Variants in LHFPL6 observed in about 807,000 individuals in gnomAD.
The protein encoded by LHFPL6 is LHFPL tetraspan subfamily member 6.
In LHFPL6, 9 loss-of-function variants were observed where a neutral mutation model predicts 20.6. That is an observed-to-expected ratio of 0.44 (90% CI 0.26 to 0.76). The LOEUF (loss-of-function observed/expected upper bound fraction) is 0.76, where lower values mean the gene tolerates loss of function less well. Among genes scored for constraint, LHFPL6 ranks in the 30% least tolerant of loss-of-function variants. LHFPL6 has a pLI of 0.20. For missense variants in LHFPL6, 218 were observed against 253.5 expected, an observed-to-expected ratio of 0.86 and a Z score of 0.95; for synonymous variants, 105 against 98.7, an observed-to-expected ratio of 1.06 and a Z score of -0.38.
intron 2 of LHFPL6, among the ~76,000 whole-genome samples, chr13:39,423,984 G>A (rs571549288): frequency 6.6e-6 from 1 of 152,148 alleles, no homozygotes; most frequent in South Asian, 2.1e-4. Context: ...GGATGGGAGT[G>A]GCAGGAGCTA....
At chr13:39,595,518 C>T (rs2138552830) in intron 2 of LHFPL6, among the ~76,000 whole-genome samples, 1 of 152,316 alleles carries the variant, frequency 6.6e-6, no homozygotes, top group South Asian at 2.1e-4. Flanking sequence ...GTCTCGAGCT[C>T]CTGGCCTCAG....
At chr13:39,407,868 T>C (rs1376654921) in intron 2 of LHFPL6, among the ~76,000 whole-genome samples, 1 of 152,124 alleles carries the variant, frequency 6.6e-6, no homozygotes, top group African/African-American at 2.4e-5. Flanking sequence ...AAAAAACAAT[T>C]TTAGAGTCAG....
intron 2 of LHFPL6, among the ~76,000 whole-genome samples, chr13:39,451,395 A>G (rs1043048160): frequency 6.6e-6 from 1 of 152,208 alleles, no homozygotes; most frequent in Non-Finnish European, 1.5e-5. Flanking sequence ...CAAGCTGGGA[A>G]TATGCTTTGT....
intron 2 of LHFPL6, among the ~76,000 whole-genome samples, chr13:39,429,018 G>T (rs1200474498): frequency 1.3e-5 from 2 of 151,968 alleles, no homozygotes; most frequent in Non-Finnish European, 2.9e-5. Flanking sequence ...TTCCATTGTG[G>T]TCAGACAACA....
At chr13:39,572,047 A>G (rs1304410782) in intron 2 of LHFPL6, among the ~76,000 whole-genome samples, 1 of 152,242 alleles carries the variant, frequency 6.6e-6, no homozygotes, top group African/African-American at 2.4e-5. Context: ...AAATGTGACA[A>G]TTAAATCAGG....
At chr13:39,361,577 A>T (rs1274426444) in intron 3 of LHFPL6, among the ~76,000 whole-genome samples, 1 of 152,092 alleles carries the variant, frequency 6.6e-6, no homozygotes, top group Non-Finnish European at 1.5e-5. Context: ...CAGCCTCCCA[A>T]AGTGTTGGGA....
At chr13:39,436,764 T>G (rs1442390914) in intron 2 of LHFPL6, among the ~76,000 whole-genome samples, 1 of 152,278 alleles carries the variant, frequency 6.6e-6, no homozygotes, top group African/African-American at 2.4e-5. Flanking sequence ...AATATCACAT[T>G]GATCACTGTG....
intron 2 of LHFPL6, among the ~76,000 whole-genome samples, chr13:39,403,936 T>C (rs971686732): frequency 2.0e-5 from 3 of 152,146 alleles, no homozygotes; most frequent in African/African-American, 7.2e-5. Flanking sequence ...TTTAGGAGAA[T>C]TTCTGATTTA....
intron 2 of LHFPL6, among the ~76,000 whole-genome samples, chr13:39,413,120 A>G (rs1014626184): frequency 1.3e-5 from 2 of 152,196 alleles, no homozygotes; most frequent in African/African-American, 4.8e-5. Context: ...GTAGTACAAT[A>G]TATGCATCGC....
At chr13:39,566,034 G>A (rs1242342132) in intron 2 of LHFPL6, among the ~76,000 whole-genome samples, 1 of 152,158 alleles carries the variant, frequency 6.6e-6, no homozygotes, top group African/African-American at 2.4e-5. Flanking sequence ...CTGAAACATA[G>A]ACTCAAACAA....
At position 39,531,456 on chromosome 13, in the gene LHFPL6, A is replaced by G. The variant is rs77645577; in HGVS notation, c.385+69376T>C. On this transcript the variant is annotated intron_variant, in intron 2 of 3. Transcript: ENST00000379589. ...AATAAAAGGGAAGAGGTTATTTTAA[A>G]TTAACAAAATGTACTTTGGGGGTCT... Among the ~76,000 whole-genome samples, 206 of 152,312 alleles carry G rather than the reference A, an allele frequency of 1.4e-3. 2 individuals carry two copies. In the East Asian group the frequency reaches 0.033, roughly 24 times the overall value.
At chr13:39,512,923 G>A (rs939875951) in intron 2 of LHFPL6, among the ~76,000 whole-genome samples, 2 of 152,224 alleles carry the variant, frequency 1.3e-5, no homozygotes, top group South Asian at 2.1e-4. Context: ...CCAGGCACGC[G>A]CGACACTGTC....
rs550252090 is a variant in LHFPL6, at chr13:39,601,916, C to G, written c.-174-526G>C. Among the ~76,000 whole-genome samples the G allele has an allele frequency of 2.4e-4, 36 of 152,224 alleles. No individual in the cohort carries two copies. The East Asian group carries it at 6.9e-3, about 29-fold the overall frequency. On this transcript the variant is annotated intron_variant, in intron 1 of 3. Coordinates refer to ENST00000379589, the MANE Select transcript of LHFPL6 (RefSeq NM_005780.3). Reference sequence around the variant, plus strand: ...TAAATTTAACAAGCATTATGGTCTGCGGAGGCACCCACAGTACAGAACTAT... The same window carrying G: ...TAAATTTAACAAGCATTATGGTCTGGGGAGGCACCCACAGTACAGAACTAT...
At chr13:39,459,194 A>ATGTGTGTGTGTGTGTGTG (rs58955444) in intron 2 of LHFPL6, among the ~76,000 whole-genome samples, 86 of 136,062 alleles carry the variant, frequency 6.3e-4, no homozygotes, top group African/African-American at 2.1e-3. Flanking sequence ...AAGTTCCTTA[A>ATGTGTGTGTGTGTGTGTG]TGTGTGTGTG....
At chr13:39,596,717 C>A (rs1872782993) in intron 2 of LHFPL6, among the ~76,000 whole-genome samples, 1 of 151,788 alleles carries the variant, frequency 6.6e-6, no homozygotes, top group African/African-American at 2.4e-5. Context: ...CTCTACATTT[C>A]TTTAAATTAG....
intron 2 of LHFPL6, among the ~76,000 whole-genome samples, chr13:39,531,418 T>A (rs912412792): frequency 1.3e-5 from 2 of 152,108 alleles, no homozygotes; most frequent in Non-Finnish European, 2.9e-5. Flanking sequence ...ATAAAAAAAT[T>A]AGGGTGTGCT....
chr13:39,534,234 T>C (rs1378923312), intron 2 of LHFPL6, among the ~76,000 whole-genome samples: 1 of 152,234 alleles, frequency 6.6e-6, no homozygotes, highest in East Asian at 1.9e-4. Flanking sequence ...AACTTGATCC[T>C]GTTCCAATAG....
intron 2 of LHFPL6, among the ~76,000 whole-genome samples, chr13:39,556,875 T>C (rs1871319051): frequency 2.0e-5 from 3 of 151,944 alleles, no homozygotes; most frequent in African/African-American, 7.3e-5. Context: ...GGCTGGAGGA[T>C]CTCTTGAGCC....
chr13:39,469,586 G>A (rs1872894847), intron 2 of LHFPL6, among the ~76,000 whole-genome samples: 1 of 152,058 alleles, frequency 6.6e-6, no homozygotes, highest in African/African-American at 2.4e-5. Flanking sequence ...TAGTGCTCAG[G>A]ACTGAAAATA....
Sources: gnomAD v4.1 joint callset for allele counts (sites outside exome capture counted in the v4.1 genomes callset) on GRCh38, gnomAD v4.1.1 for gene constraint, MANE v1.5 for transcripts, NCBI Gene and HGNC (gene_info 2026-07-23, HGNC 2026-07-21) for gene names.